The following IMMP2L variants were observed in gnomAD, a reference collection of about 807,000 sequenced individuals.
IMMP2L encodes inner mitochondrial membrane peptidase subunit 2, also known as mitochondrial inner membrane protease subunit 2.
In IMMP2L, 18 loss-of-function variants were observed where a neutral mutation model predicts 19.3. The ratio of observed to expected loss-of-function variants is 0.93; its 90% CI spans 0.64 to 1.38. The LOEUF is 1.38. IMMP2L is among the 40% of genes most tolerant of loss of function. The pLI is 0.00. For missense variants in IMMP2L, 233 were observed against 218.2 expected, an observed-to-expected ratio of 1.07 and a Z score of -0.43; for synonymous variants, 76 against 73.0, an observed-to-expected ratio of 1.04 and a Z score of -0.21.
At chr7:111,158,956 C>T (rs1471989898) in intron 3 of IMMP2L, among the ~76,000 whole-genome samples, 1 of 152,120 alleles carries the variant, frequency 6.6e-6, no homozygotes, top group Admixed American at 6.6e-5. Context: ...CTTTTATAAG[C>T]ATATGCTTAA....
At chr7:111,185,506 T>TA (rs1273122702) in intron 3 of IMMP2L, among the ~76,000 whole-genome samples, 1 of 152,132 alleles carries the variant, frequency 6.6e-6, no homozygotes, top group Non-Finnish European at 1.5e-5. Context: ...TAAGCAAATC[T>TA]ACAGGTTGTG....
chr7:111,016,730 A>AAT (rs1491258033), intron 3 of IMMP2L, among the ~76,000 whole-genome samples: 1 of 98,024 alleles, frequency 1.0e-5, no homozygotes, highest in Non-Finnish European at 1.8e-5. Context: ...TTATATATAA[A>AAT]ATATATATAT....
intron 3 of IMMP2L, among the ~76,000 whole-genome samples, chr7:111,112,874 C>T (rs150593986): frequency 5.2e-4 from 79 of 152,272 alleles, no homozygotes; most frequent in African/African-American, 1.8e-3. Flanking sequence ...AAATGTGGTG[C>T]TATAATTTAG....
intron 3 of IMMP2L, among the ~76,000 whole-genome samples, chr7:111,220,089 A>C (rs1201124294): frequency 6.6e-6 from 1 of 152,028 alleles, no homozygotes; most frequent in Non-Finnish European, 1.5e-5. Flanking sequence ...AGTAATTGCA[A>C]TGTTTGCCAT....
intron 3 of IMMP2L, among the ~76,000 whole-genome samples, chr7:111,240,679 G>A (rs1165731161): frequency 2.6e-5 from 4 of 151,786 alleles, no homozygotes; most frequent in South Asian, 4.2e-4. Context: ...TTTTTGTTGC[G>A]GTCAAGTATG....
intron 3 of IMMP2L, among the ~76,000 whole-genome samples, chr7:111,150,892 C>T (rs1434646110): frequency 6.6e-6 from 1 of 152,144 alleles, no homozygotes; most frequent in African/African-American, 2.4e-5. Flanking sequence ...CCAACTGTGC[C>T]ATTTCATTAG....
At chr7:111,084,315 AAAAG>A (rs1796127010) in intron 3 of IMMP2L, among the ~76,000 whole-genome samples, 1 of 151,768 alleles carries the variant, frequency 6.6e-6, no homozygotes, top group Middle Eastern at 3.4e-3. Flanking sequence ...AAAAAAAAAA[AAAAG>A]AAAGGAAAAA....
At chr7:111,005,045 A>C (rs1174298352) in intron 3 of IMMP2L, among the ~76,000 whole-genome samples, 1 of 152,120 alleles carries the variant, frequency 6.6e-6, no homozygotes, top group Non-Finnish European at 1.5e-5. Context: ...GCCCACCCAA[A>C]AGGCAGTCAC....
intron 3 of IMMP2L, among the ~76,000 whole-genome samples, chr7:111,330,066 A>C (rs1825726246): frequency 6.6e-6 from 1 of 151,914 alleles, no homozygotes; most frequent in Non-Finnish European, 1.5e-5. Flanking sequence ...GATTTAAAAA[A>C]CAACCTTGAA....
At chr7:111,344,685 T>A (rs887875992) in intron 3 of IMMP2L, among the ~76,000 whole-genome samples, 9 of 152,186 alleles carry the variant, frequency 5.9e-5, no homozygotes, top group African/African-American at 1.9e-4. Context: ...CACCCATCAG[T>A]AGAGATGGAT....
chr7:111,541,771 A>G (rs1409928981), intron 1 of IMMP2L, among the ~76,000 whole-genome samples: 3 of 152,130 alleles, frequency 2.0e-5, no homozygotes, highest in African/African-American at 7.2e-5. Flanking sequence ...ATTAATATCT[A>G]CCAGTTTTGA....
rs71544722 is a variant in IMMP2L at position 111,281,259 on chromosome 7, A to T, written c.239+205979T>A. ...AAGAAAGAAAGAAGAGAGAGAGAGAAAGAGAGAGAGAAAGAAAGAGAAGGA... is the reference window on the plus strand; with the variant it reads ...AAGAAAGAAAGAAGAGAGAGAGAGATAGAGAGAGAGAAAGAAAGAGAAGGA... On this transcript the variant is annotated intron_variant, in intron 3 of 5. Transcript: ENST00000405709. Among the ~76,000 whole-genome samples the T allele has an allele frequency of 3.1e-5, 4 of 127,702 alleles. No individual in the cohort carries two copies. In the South Asian group the frequency reaches 7.8e-4, roughly 25 times the overall value. 83.8% of individuals were successfully genotyped at this position (127,702 alleles called of 152,430 possible). A position where few individuals can be genotyped will look rare whatever the true frequency, so the allele number is the denominator to read the frequency against.
At chr7:111,266,544 CAA>C (rs530670317) in intron 3 of IMMP2L, among the ~76,000 whole-genome samples, 59 of 88,668 alleles carry the variant, frequency 6.7e-4, no homozygotes, top group Admixed American at 1.1e-3. Flanking sequence ...CTATGTCTCC[CAA>C]AAAAAAAAAA....
At chr7:111,284,137 G>C (rs147342679) in intron 3 of IMMP2L, among the ~76,000 whole-genome samples, 139 of 151,320 alleles carry the variant, frequency 9.2e-4, no homozygotes, top group Non-Finnish European at 1.2e-3. Flanking sequence ...CCACAGTTAC[G>C]GGCTCAATGC....
chr7:111,487,369 C>G, intron 2 of IMMP2L, 28 bp from the exon 3 acceptor site: 2 of 1,275,076 alleles, frequency 1.6e-6, no homozygotes. Context: ...AGAGACACTT[C>G]TATCATTTGT....
intron 5 of IMMP2L, among the ~76,000 whole-genome samples, chr7:110,830,908 G>A (rs908203094): frequency 1.2e-4 from 18 of 152,110 alleles, no homozygotes; most frequent in African/African-American, 4.3e-4. Context: ...GCAGCTTAGA[G>A]CAAACACAGG....
At chr7:111,254,311 A>C (rs1454414117) in intron 3 of IMMP2L, among the ~76,000 whole-genome samples, 1 of 151,984 alleles carries the variant, frequency 6.6e-6, no homozygotes, top group Non-Finnish European at 1.5e-5. Flanking sequence ...GATCCTAAAA[A>C]CTCTGGAATG....
chr7:110,827,874 A>G (rs1338471244), intron 5 of IMMP2L, among the ~76,000 whole-genome samples: 1 of 152,186 alleles, frequency 6.6e-6, no homozygotes, highest in Non-Finnish European at 1.5e-5. Flanking sequence ...CAAATCACAT[A>G]AGAAACACCT....
At chr7:110,815,179 C>T (rs1025313350) in intron 5 of IMMP2L, among the ~76,000 whole-genome samples, 3 of 152,004 alleles carry the variant, frequency 2.0e-5, no homozygotes, top group African/African-American at 4.8e-5. Flanking sequence ...GCATGAAGCG[C>T]TGTTGAATTT....
Sources: gnomAD v4.1 joint callset for allele counts (sites outside exome capture counted in the v4.1 genomes callset) on GRCh38, gnomAD v4.1.1 for gene constraint, MANE v1.5 for transcripts, NCBI Gene and HGNC (gene_info 2026-07-23, HGNC 2026-07-21) for gene names.